KIF6: variants seen among roughly 807,000 people sequenced by gnomAD.
KIF6 encodes kinesin-like protein KIF6.
A neutral mutation model predicts 112.7 loss-of-function variants in KIF6; 106 were observed. The observed-to-expected ratio is 0.94, with a 90% CI of 0.80 to 1.11. The LOEUF (loss-of-function observed/expected upper bound fraction) is 1.11. Among genes scored for constraint, KIF6 ranks in the 50% least tolerant of loss-of-function variants. The pLI is 0.00. For synonymous variants in KIF6, 339 were observed against 339.9 expected, an observed-to-expected ratio of 1.00 and a Z score of 0.03; for missense variants, 929 against 964.0, an observed-to-expected ratio of 0.96 and a Z score of 0.48.
At chr6:39,454,014 T>C (rs1042972075) in intron 13 of KIF6, among the ~76,000 whole-genome samples, 2 of 152,028 alleles carry the variant, frequency 1.3e-5, no homozygotes, top group African/African-American at 2.4e-5. Flanking sequence ...GTAATAGAAA[T>C]AGAAAAGAAA....
In KIF6 at chr6:39,653,558, C is replaced by A. The variant is rs1359987394; in HGVS notation, c.252-13801G>T. ...ATACTTTCCTCAATTTCCTTTGATG[C>A]CTGACATCTAAAAACTCTTTTCAAT... On this transcript the variant is annotated intron_variant, in intron 3 of 22. Transcript: ENST00000287152. Among the ~76,000 whole-genome samples, 4 of 152,102 alleles carry A rather than the reference C, an allele frequency of 2.6e-5. No individual in the cohort carries two copies. In the East Asian group the frequency reaches 7.7e-4, roughly 29 times the overall value.
At chr6:39,610,724 T>C (rs1004625040) in intron 6 of KIF6, among the ~76,000 whole-genome samples, 1 of 152,172 alleles carries the variant, frequency 6.6e-6, no homozygotes, top group African/African-American at 2.4e-5. Flanking sequence ...GGTATACTTT[T>C]AAAATAATTT....
intron 13 of KIF6, among the ~76,000 whole-genome samples, chr6:39,539,212 T>TAAA (rs1554236675): frequency 6.6e-6 from 1 of 151,120 alleles, no homozygotes; most frequent in Non-Finnish European, 1.5e-5. Context: ...AAACTTAAAG[T>TAAA]ATAATAATAA....
intron 13 of KIF6, among the ~76,000 whole-genome samples, chr6:39,479,455 G>A (rs1256324820): frequency 2.0e-5 from 3 of 151,974 alleles, no homozygotes; most frequent in Non-Finnish European, 4.4e-5. Flanking sequence ...CATTCATCTA[G>A]GTGCCTATTT....
chr6:39,445,944 C>T (rs1400589750), intron 13 of KIF6, among the ~76,000 whole-genome samples: 1 of 152,208 alleles, frequency 6.6e-6, no homozygotes, highest in Non-Finnish European at 1.5e-5. Flanking sequence ...TCCCTGTTTG[C>T]CCAAGGTATT....
At chr6:39,648,262 G>A (rs1462659675) in intron 3 of KIF6, among the ~76,000 whole-genome samples, 6 of 149,916 alleles carry the variant, frequency 4.0e-5, no homozygotes, top group African/African-American at 1.5e-4. Context: ...GGCTGGTCTC[G>A]AACTCCTGAC....
At chr6:39,452,968 T>C (rs1461376494) in intron 13 of KIF6, among the ~76,000 whole-genome samples, 1 of 152,360 alleles carries the variant, frequency 6.6e-6, no homozygotes, top group African/African-American at 2.4e-5. Flanking sequence ...AAGAAACATC[T>C]TTCTTTAGAT....
At position 39,342,306 on chromosome 6, in the gene KIF6, T is replaced by C. The variant is rs565906560; in HGVS notation, c.2428+1403A>G. 9.2e-5 allele frequency among the ~76,000 whole-genome samples: 14 copies of C among 152,346 alleles called. No homozygotes were observed. The highest frequency in any genetic ancestry group is 6.2e-4 in the South Asian group (3 of 4,830). On this transcript the variant is annotated intron_variant, in intron 22 of 22. Transcript: ENST00000287152. This position sits in a 1 kb window ranked among gnomAD's most constrained non-coding sequence, Gnocchi z 4.7. ...CCCAGTTACTGTCTACAACATTACA[T>C]AGTTTAGCTATTTCATAGCACTTAT... is the stretch of plus-strand genomic sequence containing the variant.
chr6:39,607,193 C>A (rs1245234576), intron 6 of KIF6, among the ~76,000 whole-genome samples: 1 of 152,096 alleles, frequency 6.6e-6, no homozygotes, highest in African/African-American at 2.4e-5. Flanking sequence ...AGCCAAAAGA[C>A]TATTCTTTTA....
At chr6:39,481,719 A>G (rs1301678773) in intron 13 of KIF6, among the ~76,000 whole-genome samples, 2 of 152,158 alleles carry the variant, frequency 1.3e-5, no homozygotes, top group African/African-American at 4.8e-5. Flanking sequence ...TCCAACAAGC[A>G]TCATTTGCTT....
At chr6:39,541,019 C>A (rs6930913) in intron 12 of KIF6, among the ~76,000 whole-genome samples, 1 of 151,996 alleles carries the variant, frequency 6.6e-6, no homozygotes, top group African/African-American at 2.4e-5. Flanking sequence ...GTAACCCCTA[C>A]TGAGAATCTC....
chr6:39,603,212 C>T (rs996670555), intron 6 of KIF6, among the ~76,000 whole-genome samples: 1 of 151,978 alleles, frequency 6.6e-6, no homozygotes, highest in Non-Finnish European at 1.5e-5. Flanking sequence ...CAAAAATGAC[C>T]CTGTCAGACA....
intron 10 of KIF6, among the ~76,000 whole-genome samples, chr6:39,570,069 G>A (rs1331681711): frequency 6.6e-6 from 1 of 152,152 alleles, no homozygotes; most frequent in Non-Finnish European, 1.5e-5. Context: ...GTACAAATAT[G>A]TTCTTTTGAA....
chr6:39,722,458 T>A (rs303693), intron 1 of KIF6, among the ~76,000 whole-genome samples: 132,447 of 152,180 alleles, frequency 0.87, 57,913 homozygotes, highest in East Asian at 0.97. Context: ...GCAAGGATGA[T>A]TATGAAAATG....
chr6:39,526,760 C>A (rs1179956530), intron 13 of KIF6, among the ~76,000 whole-genome samples: 1 of 151,412 alleles, frequency 6.6e-6, no homozygotes, highest in Non-Finnish European at 1.5e-5. Flanking sequence ...TGCAAAAGTG[C>A]GATTGACCAC....
Position 39,586,269 on chromosome 6 carries a change from T to G in KIF6, c.982A>C (p.Asn328His), listed in dbSNP as rs145259254. ...AAGAAGAGCCCACATACATCAAGAT[T>G]CCTTTTCTCCAAGGAGAGTGTTGCA... ...MIATLSLEKR[N>H]LDESISTCRF... Residue 328 changes from asparagine (N) to histidine (H), a missense_variant, in exon 8 of 23, where the codon AAT (asparagine) becomes CAT (histidine). Asn to His is a moderately conservative substitution (Grantham distance 68). This residue lies in a region of KIF6 where 688 missense variants were observed against 662.7 expected (regional missense o/e 1.04). Coordinates refer to ENST00000287152, the MANE Select transcript of KIF6 (RefSeq NM_145027.6). The G allele has an allele frequency of 1.2e-6, 2 of 1,614,006 alleles. No individual in the cohort carries two copies. The highest frequency in any genetic ancestry group is 2.7e-5 in the African/African-American group (2 of 74,908).
rs138258215 is a variant in KIF6 at position 39,628,825 on chromosome 6, A to G, written c.509+6024T>C. Among the ~76,000 whole-genome samples, 34 of 152,040 alleles carry G rather than the reference A, an allele frequency of 2.2e-4. No individual in the cohort carries two copies. In the East Asian group the frequency reaches 5.6e-3, roughly 25 times the overall value. ...CCCAGAAACCCCCTGTGCTTCACCT[A>G]TTTATTCTTCTACCCGTCCCCCTCA... On this transcript the variant is annotated intron_variant, in intron 5 of 22. Coordinates refer to ENST00000287152, the MANE Select transcript of KIF6 (RefSeq NM_145027.6).
At chr6:39,493,565 T>C (rs1410175295) in intron 13 of KIF6, among the ~76,000 whole-genome samples, 1 of 152,246 alleles carries the variant, frequency 6.6e-6, no homozygotes, top group Admixed American at 6.5e-5. Context: ...TTAGTAGTTC[T>C]AGAAAAGGTG....
chr6:39,385,851 G>A (rs1346871183), intron 15 of KIF6, among the ~76,000 whole-genome samples, 179 bp from the exon 16 acceptor site: 3 of 152,034 alleles, frequency 2.0e-5, no homozygotes, highest in Non-Finnish European at 4.4e-5. Context: ...TGGAAGAAGA[G>A]GTTGCAAAGG....
Sources: allele counts gnomAD v4.1 joint callset (sites outside exome capture counted in the v4.1 genomes callset), GRCh38; gene constraint gnomAD v4.1.1; regional missense constraint gnomAD v4.1.1; non-coding constraint Gnocchi (gnomAD v3.1); transcripts MANE v1.5; gene names NCBI Gene and HGNC (gene_info 2026-07-23, HGNC 2026-07-21).